The following UBE4A variants were observed in gnomAD, a reference collection of about 807,000 sequenced individuals.
UBE4A encodes the protein ubiquitin conjugation factor E4 A.
In UBE4A, 48 loss-of-function variants were observed where a neutral mutation model predicts 117.9. That is an observed-to-expected ratio of 0.41 (90% confidence interval 0.32 to 0.52). The LOEUF (loss-of-function observed/expected upper bound fraction) is 0.52, where lower values mean the gene tolerates loss of function less well. UBE4A is among the 20% of genes least tolerant of loss of function. UBE4A has a pLI of 0.33. For missense variants in UBE4A, 1,067 were observed against 1,296.3 expected (o/e 0.82, Z 2.72); for synonymous variants, 407 against 450.0 (o/e 0.90, Z 1.21).
rs1451335756 is a variant in UBE4A at position 118,365,168 on chromosome 11, G to A, written c.88G>A (p.Ala30Thr). 5 of 1,612,106 alleles carry A rather than the reference G, an allele frequency of 3.1e-6. No homozygotes were observed. The highest frequency in any genetic ancestry group is 4.2e-6 in the Non-Finnish European group (5 of 1,179,240). ...GSLADAKQFA[A>T]IQKEQLKQQS... is the part of the protein sequence containing the mutation. ...CCTGGCTGATGCCAAACAGTTTGCG[G>A]CAATCCAAAAAGAGCAGCTGAAGCA... The change falls in exon 2 of 20, where the codon GCA (alanine) becomes ACA (threonine). Residue 30 changes from alanine to threonine, a missense_variant. Transcript: ENST00000252108.
chr11:118,364,459 A>G lies in UBE4A; in HGVS notation c.-41-581A>G, dbSNP rs564375973. The stretch of plus-strand genomic sequence containing the variant: ...TAGAAATAAATAGATTGCTTAATCT[A>G]TGTTAAAAACCCACAACATACAGCT... On this transcript the variant is annotated intron_variant, in intron 1 of 19. Transcript: ENST00000252108. Among the ~76,000 whole-genome samples, 3 of 152,248 alleles carry G rather than the reference A, an allele frequency of 2.0e-5. No homozygotes were observed. In the South Asian group the frequency reaches 6.2e-4, roughly 32 times the overall value.
chr11:118,369,396 A>G, intron 3 of UBE4A, 27 bp from the exon 4 acceptor site: 1 of 1,542,962 alleles, frequency 6.5e-7, no homozygotes, highest in Non-Finnish European at 9.0e-7. Context: ...ATTATCCTTA[A>G]CCTATCATAT....
In UBE4A at chr11:118,396,552, T is replaced by TC. The variant is rs1245964272; in HGVS notation, c.*112_*113insC. 1.3e-5 allele frequency: 17 copies of TC among 1,262,332 alleles called. No individual in the cohort carries two copies. Among genetic ancestry groups the TC allele is most frequent in the East Asian group, 3.1e-5 (1 of 32,768 alleles). The allele number at this position is 1,262,332 out of a possible 1,614,324, so 78.2% of individuals were successfully genotyped here. On this transcript the variant is annotated 3_prime_UTR_variant, in exon 20 of 20. Transcript: ENST00000252108. ...TTCTTTCTTCTTTTCTTTTTCTTTT[T>TC]TTTTTTTTTTTTTACTAAATTAGAG... is the stretch of plus-strand genomic sequence containing the variant.
intron 12 of UBE4A, 27 bp downstream of exon 12, chr11:118,381,550 C>T (rs782273522): frequency 6.2e-7 from 1 of 1,612,578 alleles, no homozygotes; most frequent in African/African-American, 1.3e-5. Context: ...TTGGTTCTGT[C>T]ACTGTTTAGG....
chr11:118,387,134 A>G (rs566787688), intron 16 of UBE4A, among the ~76,000 whole-genome samples: 5 of 152,314 alleles, frequency 3.3e-5, no homozygotes, highest in African/African-American at 9.6e-5. Flanking sequence ...TACTGATTAC[A>G]TACTGAAATT....
At chr11:118,364,776 A>G (rs1159034477) in intron 1 of UBE4A, among the ~76,000 whole-genome samples, 1 of 150,900 alleles carries the variant, frequency 6.6e-6, no homozygotes, top group Non-Finnish European at 1.5e-5. Context: ...AAATAAAAGT[A>G]TATCAACAGA....
At chr11:118,368,539 A>G in intron 2 of UBE4A, 92 bp from the exon 3 acceptor site, 2 of 1,300,834 alleles carry the variant, frequency 1.5e-6, no homozygotes, top group East Asian at 2.3e-5. Context: ...ATCTGAAATT[A>G]TCATCTTCTT....
At chr11:118,380,106 G>A (rs959551777) in intron 11 of UBE4A, among the ~76,000 whole-genome samples, 3 of 149,202 alleles carry the variant, frequency 2.0e-5, no homozygotes, top group Non-Finnish European at 4.4e-5. Context: ...GGTTAACTCA[G>A]AAGGGAAAGA....
intron 9 of UBE4A, among the ~76,000 whole-genome samples, chr11:118,375,634 C>A (rs1555125265): frequency 7.2e-5 from 11 of 151,982 alleles, no homozygotes. Flanking sequence ...GCTGGGATTA[C>A]AGGCGTGAGC....
At chr11:118,380,250 A>G (rs1449978376) in intron 11 of UBE4A, among the ~76,000 whole-genome samples, 1 of 151,750 alleles carries the variant, frequency 6.6e-6, no homozygotes, top group Non-Finnish European at 1.5e-5. Flanking sequence ...TGTATTGGCC[A>G]TATCATGCTG....
intron 2 of UBE4A, among the ~76,000 whole-genome samples, chr11:118,366,619 T>TA (rs1417974881): frequency 6.6e-6 from 1 of 152,230 alleles, no homozygotes; most frequent in Admixed American, 6.5e-5. Context: ...AACCTTTGGC[T>TA]TCCTATGTTG....
intron 19 of UBE4A, among the ~76,000 whole-genome samples, 157 bp downstream of exon 19, chr11:118,393,052 A>G (rs1165517584): frequency 1.3e-5 from 2 of 152,240 alleles, no homozygotes; most frequent in African/African-American, 4.8e-5. Flanking sequence ...AATTGCTAGG[A>G]TATAAACATT....
At position 118,375,140 on chromosome 11, in the gene UBE4A, C is replaced by T. The variant is rs1555125172; in HGVS notation, c.1361C>T (p.Ser454Phe). The T allele has an allele frequency of 6.2e-7, 1 of 1,614,188 alleles. No individual in the cohort carries two copies. Among genetic ancestry groups the T allele is most frequent in the Non-Finnish European group, 8.5e-7 (1 of 1,180,036 alleles). ...TGCCAGCCATTTTGCAAACCCAGAT[C>T]CTCTCGGCTCCTCACCTTTAATCCC... ...KLCQPFCKPR[S>F]SRLLTFNPTY... The change falls in exon 9 of 20, where the codon TCC becomes TTC. Residue 454 changes from serine (S) to phenylalanine (F), a missense_variant. Ser to Phe is a radical substitution (Grantham distance 155). Transcript: ENST00000252108.
chr11:118,372,006 T>C (rs1349429553), intron 5 of UBE4A, among the ~76,000 whole-genome samples: 2 of 152,146 alleles, frequency 1.3e-5, no homozygotes, highest in Admixed American at 1.3e-4. Flanking sequence ...ACTCCTGTAA[T>C]CCCAGCACTT....
chr11:118,376,820 C>A, intron 10 of UBE4A, 126 bp downstream of exon 10: 3 of 1,158,222 alleles, frequency 2.6e-6, no homozygotes, highest in Non-Finnish European at 3.5e-6. Flanking sequence ...GAGGCCAAGG[C>A]AGAAGGATTG....
At chr11:118,389,389 G>A (rs1270949259) in intron 16 of UBE4A, among the ~76,000 whole-genome samples, 7 of 152,190 alleles carry the variant, frequency 4.6e-5, no homozygotes, top group Non-Finnish European at 7.3e-5. Context: ...TTCAGAATAT[G>A]TAAAATATGA....
At position 118,387,360 on chromosome 11, in the gene UBE4A, T is replaced by A. The variant is rs537608509; in HGVS notation, c.2587+748T>A. On this transcript the variant is annotated intron_variant, in intron 16 of 19. Transcript: ENST00000252108. Reference sequence around the variant, plus strand: ...TTATTTGAAGAATAAGAAAGAGCCCTTGGATATTGAAATTTTTACCTCGGA... The same window carrying A: ...TTATTTGAAGAATAAGAAAGAGCCCATGGATATTGAAATTTTTACCTCGGA... Among the ~76,000 whole-genome samples, 15 of 152,262 alleles carry A rather than the reference T, an allele frequency of 9.9e-5. No individual in the cohort carries two copies. The South Asian group carries it at 3.1e-3, about 32-fold the overall frequency.
intron 10 of UBE4A, chr11:118,378,559 A>G (rs976530738): frequency 6.6e-6 from 1 of 152,232 alleles, no homozygotes; most frequent in East Asian, 1.9e-4. Context: ...AAGAATAGCA[A>G]TTTTTAATGC....
chr11:118,385,043 T>A, intron 15 of UBE4A, 98 bp downstream of exon 15: 2 of 1,099,828 alleles, frequency 1.8e-6, no homozygotes, highest in Non-Finnish European at 2.6e-6. Flanking sequence ...GAGCAGTCCT[T>A]ATGCCCCTAG....
Sources: gnomAD v4.1 joint callset for allele counts (sites outside exome capture counted in the v4.1 genomes callset) on GRCh38, gnomAD v4.1.1 for gene constraint, MANE v1.5 for transcripts, NCBI Gene and HGNC (gene_info 2026-07-23, HGNC 2026-07-21) for gene names.